The following RIOK3 variants were observed in gnomAD, a reference collection of about 807,000 sequenced individuals.
RIOK3 encodes RIO kinase 3, also known as serine/threonine-protein kinase RIO3.
A neutral mutation model predicts 63.5 loss-of-function variants in RIOK3; 40 were observed. That is an observed-to-expected ratio of 0.63 (90% CI 0.49 to 0.82). The LOEUF (loss-of-function observed/expected upper bound fraction) is 0.82. RIOK3 is among the 40% of genes least tolerant of loss of function. The pLI, the probability that RIOK3 is intolerant of heterozygous loss-of-function variation, is 0.00. For missense variants in RIOK3, 557 were observed against 637.0 expected (o/e 0.87, Z 1.35); for synonymous variants, 193 against 205.0 (o/e 0.94, Z 0.50).
Position 23,471,954 on chromosome 18 carries a change from C to A in RIOK3, c.816-1475C>A, listed in dbSNP as rs2057458859. 1.3e-5 allele frequency among the ~76,000 whole-genome samples: 2 copies of A among 151,986 alleles called. 1 individual carries two copies. Among genetic ancestry groups the A allele is most frequent in the South Asian group, 4.1e-4 (2 of 4,826 alleles). On this transcript the variant is annotated intron_variant, in intron 7 of 12. Transcript: ENST00000339486. ...GGATAGAAATGTGGGAGTTATCGGC[C>A]AGGCGCGGTGGCTCACGCCTGTAAT...
chr18:23,479,707 G>C (rs1250442857), intron 12 of RIOK3, among the ~76,000 whole-genome samples: 3 of 151,984 alleles, frequency 2.0e-5, no homozygotes, highest in Admixed American at 2.0e-4. Context: ...CTCCTGAGTA[G>C]CTGGGATTAC....
chr18:23,461,902 C>T (rs1024006814), intron 1 of RIOK3, among the ~76,000 whole-genome samples: 1 of 151,674 alleles, frequency 6.6e-6, no homozygotes, highest in Admixed American at 6.6e-5. Context: ...CCAGCCTAGA[C>T]AACTTGGCAA....
intron 9 of RIOK3, 143 bp downstream of exon 9, chr18:23,475,250 C>T (rs2057481718): frequency 6.5e-6 from 4 of 619,048 alleles, no homozygotes; most frequent in South Asian, 6.3e-5. Flanking sequence ...AGTAGGATCA[C>T]TTGAGCCCAG....
At position 23,480,565 on chromosome 18, in the gene RIOK3, A is replaced by G. The variant is rs879742650; in HGVS notation, c.1453-607A>G. On this transcript the variant is annotated intron_variant, in intron 12 of 12. Coordinates refer to ENST00000339486, the MANE Select transcript of RIOK3 (RefSeq NM_003831.5). Reference sequence around the variant, plus strand: ...TATACTTGGATGCACGCACACACACACACACACACACACACACACACACAC... The same window carrying G: ...TATACTTGGATGCACGCACACACACGCACACACACACACACACACACACAC... Among the ~76,000 whole-genome samples, 1,191 of 136,118 alleles carry G rather than the reference A, an allele frequency of 8.7e-3. 10 individuals carry two copies. The highest frequency in any genetic ancestry group is 0.013 in the Non-Finnish European group (767 of 59,504). 89.3% of individuals were successfully genotyped at this position (136,118 alleles called of 152,430 possible). A position where few individuals can be genotyped will look rare whatever the true frequency, so the allele number is the denominator to read the frequency against.
rs758448442 is a variant in RIOK3 at position 23,466,113 on chromosome 18, C to T, written c.544-20C>T. On this transcript the variant is annotated intron_variant, in intron 5 of 12. Coordinates refer to ENST00000339486, the MANE Select transcript of RIOK3 (RefSeq NM_003831.5). Reference sequence around the variant, plus strand: ...GTCCCTATTTTAAAATATTTAGATGCTAATTCTTCCTTTTGGCAGTTTGCA... The same window carrying T: ...GTCCCTATTTTAAAATATTTAGATGTTAATTCTTCCTTTTGGCAGTTTGCA... 2.6e-6 allele frequency: 4 copies of T among 1,552,954 alleles called. No homozygotes were observed. The highest frequency in any genetic ancestry group is 3.5e-6 in the Non-Finnish European group (4 of 1,152,346).
At chr18:23,459,305 G>T (rs1417392117) in intron 1 of RIOK3, among the ~76,000 whole-genome samples, 1 of 152,198 alleles carries the variant, frequency 6.6e-6, no homozygotes, top group Non-Finnish European at 1.5e-5. Flanking sequence ...CAGGGATGTA[G>T]AAAGGCGTCA....
At chr18:23,459,604 TAAAG>T (rs2057361349) in intron 1 of RIOK3, among the ~76,000 whole-genome samples, 1 of 152,094 alleles carries the variant, frequency 6.6e-6, no homozygotes, top group Admixed American at 6.6e-5. Context: ...TTGGTGTAAA[TAAAG>T]AAGGAAGAAA....
Position 23,453,470 on chromosome 18 carries a change from C to A in RIOK3, c.31C>A (p.Pro11Thr). ...TCTGGTAGGAGTGGCATCGCCTGAGCCCGGGACGGCAGCGGCCTGGGGACC... is the reference window on the plus strand; with the variant it reads ...TCTGGTAGGAGTGGCATCGCCTGAGACCGGGACGGCAGCGGCCTGGGGACC... MDLVGVASPE[P>T]GTAAAWGPSK... Residue 11 changes from proline (P) to threonine (T), a missense_variant, in exon 1 of 13, where the codon CCC (proline) becomes ACC (threonine). Pro to Thr is a conservative substitution (Grantham distance 38, BLOSUM62 -1). This residue lies in a region of RIOK3 where 243 missense variants were observed against 275.4 expected (regional missense o/e 0.88). Transcript: ENST00000339486. 6.2e-7 allele frequency: 1 copy of A among 1,613,792 alleles called. No homozygotes were observed. The highest frequency in any genetic ancestry group is 8.5e-7 in the Non-Finnish European group (1 of 1,179,834).
intron 1 of RIOK3, among the ~76,000 whole-genome samples, chr18:23,460,743 C>T (rs1568380434): frequency 1.3e-5 from 2 of 152,100 alleles, no homozygotes. Flanking sequence ...TATCTTCTAC[C>T]TAGAGGATAC....
At chr18:23,458,304 A>T (rs1164842814) in intron 1 of RIOK3, among the ~76,000 whole-genome samples, 1 of 152,088 alleles carries the variant, frequency 6.6e-6, no homozygotes. Flanking sequence ...TAGGAAGTGG[A>T]AGGAAAGGGA....
At chr18:23,469,904 G>A (rs1384381121) in intron 7 of RIOK3, among the ~76,000 whole-genome samples, 2 of 152,134 alleles carry the variant, frequency 1.3e-5, no homozygotes, top group African/African-American at 4.8e-5. Context: ...CTCTCAAAGA[G>A]CTTAAGCTTT....
intron 1 of RIOK3, among the ~76,000 whole-genome samples, chr18:23,454,985 A>G (rs1039454648): frequency 6.6e-6 from 1 of 152,154 alleles, no homozygotes; most frequent in African/African-American, 2.4e-5. Context: ...CTTTTTAGTC[A>G]GGACTTCTTT....
intron 12 of RIOK3, among the ~76,000 whole-genome samples, chr18:23,479,884 T>C (rs1238119617): frequency 6.6e-6 from 1 of 152,154 alleles, no homozygotes; most frequent in Non-Finnish European, 1.5e-5. Context: ...GCCTGTTTTT[T>C]TCTATACTTA....
intron 1 of RIOK3, among the ~76,000 whole-genome samples, chr18:23,455,671 G>T (rs1045934205): frequency 1.3e-5 from 2 of 151,872 alleles, no homozygotes; most frequent in African/African-American, 4.8e-5. Context: ...TTGAGACAGG[G>T]TCTCACTCTG....
In RIOK3 at chr18:23,472,728, T is replaced by G. The variant is rs113251443; in HGVS notation, c.816-701T>G. 3.3e-3 allele frequency among the ~76,000 whole-genome samples: 496 copies of G among 152,350 alleles called. 3 individuals are homozygous for G. The highest frequency in any genetic ancestry group is 0.011 in the African/African-American group (475 of 41,592). On this transcript the variant is annotated intron_variant, in intron 7 of 12. Coordinates refer to ENST00000339486, the MANE Select transcript of RIOK3 (RefSeq NM_003831.5). ...ACCTCTAGGAATTTGTCCAGGCTCT[T>G]CACAGATGTGCCTCTGTCCTGTCCT...
intron 5 of RIOK3, among the ~76,000 whole-genome samples, 186 bp from the exon 6 acceptor site, chr18:23,465,947 C>T (rs1453267322): frequency 6.6e-6 from 1 of 152,176 alleles, no homozygotes; most frequent in Non-Finnish European, 1.5e-5. Context: ...GTTGTAATTT[C>T]TTAAATAGTA....
chr18:23,471,951 G>A (rs947364390), intron 7 of RIOK3, among the ~76,000 whole-genome samples: 5 of 152,006 alleles, frequency 3.3e-5, no homozygotes, highest in African/African-American at 7.3e-5. Flanking sequence ...GGGAGTTATC[G>A]GCCAGGCGCG....
chr18:23,477,336 A>G, intron 11 of RIOK3, 68 bp downstream of exon 11: 2 of 1,155,510 alleles, frequency 1.7e-6, no homozygotes, highest in Non-Finnish European at 2.6e-6. Flanking sequence ...TCTCACTCCT[A>G]AGATAAGTAA....
intron 1 of RIOK3, chr18:23,456,475 A>G (rs1365677664): frequency 6.6e-6 from 1 of 152,190 alleles, no homozygotes; most frequent in East Asian, 1.9e-4. Context: ...TAAAAAAAAA[A>G]GTCATATGTT....
Sources: allele counts gnomAD v4.1 joint callset (sites outside exome capture counted in the v4.1 genomes callset), GRCh38; gene constraint gnomAD v4.1.1; regional missense constraint gnomAD v4.1.1; transcripts MANE v1.5; gene names NCBI Gene and HGNC (gene_info 2026-07-23, HGNC 2026-07-21).